The following MEX3C variants were observed in gnomAD, a reference collection of about 807,000 sequenced individuals.
MEX3C encodes mex-3 RNA binding family member C, also known as RNA-binding E3 ubiquitin-protein ligase MEX3C.
In MEX3C, 15 loss-of-function variants were observed where a neutral mutation model predicts 35.5. That is an observed-to-expected ratio of 0.42 (90% CI 0.28 to 0.65). The LOEUF (loss-of-function observed/expected upper bound fraction) is 0.65, where lower values mean the gene tolerates loss of function less well. Ranked by LOEUF, MEX3C falls within the 30% of genes least tolerant of loss-of-function variation. The pLI is 0.20. For missense variants in MEX3C, 711 were observed against 842.8 expected (o/e 0.84, Z 1.94); for synonymous variants, 390 against 352.8 (o/e 1.11, Z -1.18).
intron 1 of MEX3C, among the ~76,000 whole-genome samples, chr18:51,181,754 TA>T (rs2144550471): frequency 6.6e-6 from 1 of 152,306 alleles, no homozygotes; most frequent in Admixed American, 6.5e-5. Flanking sequence ...GTGGTTGACC[TA>T]GGGGGACAGG....
Position 51,176,867 on chromosome 18 carries a change from GC to G in MEX3C, c.1463del (p.Gly488AlafsTer5). 6.2e-7 allele frequency: 1 copy of G among 1,614,028 alleles called. No homozygotes were observed. Among genetic ancestry groups the G allele is most frequent in the Non-Finnish European group, 8.5e-7 (1 of 1,179,894 alleles). On this transcript the variant is annotated frameshift_variant, in exon 2 of 2. Transcript: ENST00000406189. LOFTEE classifies it high-confidence loss of function. The stretch of plus-strand genomic sequence containing the variant: ...GAGAGTCAACTGCTAGGTCTTCTGA[GC>G]CTACAGATGGTAGTGTATCTCCAAA... Reference protein sequence around the residue: ...FWFGDTLPSVGSEDLAVDSPA... With the variant: ...FWFGDTLPSVXSEDLAVDSPA...
rs1279700967 is a variant in MEX3C at position 51,180,603 on chromosome 18, G to A, written c.755-3027C>T. Among the ~76,000 whole-genome samples the A allele has an allele frequency of 4.6e-5, 7 of 151,966 alleles. No homozygotes were observed. The East Asian group carries it at 1.2e-3, about 25-fold the overall frequency. The stretch of plus-strand genomic sequence containing the variant: ...AGCAATTCTCCTGCCTCAGCCTCCC[G>A]AGTAGCTGGGATTACAGGTGCCCAC... On this transcript the variant is annotated intron_variant, in intron 1 of 1. Transcript: ENST00000406189.
At chr18:51,182,584 G>C (rs1912455308) in intron 1 of MEX3C, among the ~76,000 whole-genome samples, 1 of 152,080 alleles carries the variant, frequency 6.6e-6, no homozygotes, top group African/African-American at 2.4e-5. Flanking sequence ...ACTGTTGCTG[G>C]GGCTATGTTT....
chr18:51,182,852 A>G (rs546132638), intron 1 of MEX3C, among the ~76,000 whole-genome samples: 9 of 152,324 alleles, frequency 5.9e-5, no homozygotes, highest in Non-Finnish European at 1.0e-4. Flanking sequence ...AAAGAACTCA[A>G]TATGTTCCAA....
intron 1 of MEX3C, among the ~76,000 whole-genome samples, chr18:51,190,930 G>A (rs1912637877): frequency 6.6e-6 from 1 of 152,158 alleles, no homozygotes; most frequent in African/African-American, 2.4e-5. Context: ...CATTAAGAAT[G>A]CAGTTTAATA....
rs1216323974 is a variant in MEX3C, at chr18:51,197,036, G to A, written c.285C>T (p.Pro95=). The change falls in exon 1 of 2, where the codon CCC becomes CCT. Residue 95 remains proline (P), a synonymous_variant. Coordinates refer to ENST00000406189, the MANE Select transcript of MEX3C (RefSeq NM_016626.5). ...CCGCCTCCGGGGCCCCGGGCCGGCC[G>A]GGCGGAGCCCGCTCCTCTGGAGACA... ...AELSPEERAP[P]GRPGAPEAAE... 8 of 1,513,718 alleles carry A rather than the reference G, an allele frequency of 5.3e-6. No homozygotes were observed. Among genetic ancestry groups the A allele is most frequent in the South Asian group, 3.7e-5 (3 of 81,748 alleles). The allele number at this position is 1,513,718 out of a possible 1,614,324, so 93.8% of individuals were successfully genotyped here. A position where few individuals can be genotyped will look rare whatever the true frequency, so the allele number is the denominator to read the frequency against.
In MEX3C at chr18:51,196,701, G is replaced by A. The variant is rs1912799694; in HGVS notation, c.620C>T (p.Pro207Leu). 1.3e-6 allele frequency: 2 copies of A among 1,540,606 alleles called. No individual in the cohort carries two copies. Among genetic ancestry groups the A allele is most frequent in the Non-Finnish European group, 1.7e-6 (2 of 1,148,320 alleles). Reference sequence around the variant, plus strand: ...GGCCGCCGCCGCCCCACAACCGCCGGGGCCGTAGGCGTGGGACAGCATCGC... The same window carrying A: ...GGCCGCCGCCGCCCCACAACCGCCGAGGCCGTAGGCGTGGGACAGCATCGC... ...MAAMLSHAYG[P>L]GGCGAAAAAL... Residue 207 changes from proline (P) to leucine (L), a missense_variant, in exon 1 of 2, where the codon CCC becomes CTC. Pro to Leu is a moderately conservative substitution (Grantham distance 98, BLOSUM62 -3). This residue lies in a region of MEX3C where 354 missense variants were observed against 311.6 expected (regional missense o/e 1.14). Transcript: ENST00000406189.
chr18:51,176,896 A>G lies in MEX3C; in HGVS notation c.1435T>C (p.Trp479Arg), dbSNP rs1444367222. 1 of 1,613,950 alleles carries G rather than the reference A, an allele frequency of 6.2e-7. No individual in the cohort carries two copies. Among genetic ancestry groups the G allele is most frequent in the African/African-American group, 1.3e-5 (1 of 74,940 alleles). ...PTSPFSTGNF[W>R]FGDTLPSVGS... ...ACAGATGGTAGTGTATCTCCAAACC[A>G]GAAGTTTCCTGTGCTAAATGGGCTT... is the stretch of plus-strand genomic sequence containing the variant. Residue 479 changes from tryptophan (W) to arginine (R), a missense_variant, in exon 2 of 2, where the codon TGG becomes CGG. Around this residue, in one of 4 missense-constraint regions of MEX3C, gnomAD observed 187 missense variants for 201.7 expected, o/e 0.93. Coordinates refer to ENST00000406189, the MANE Select transcript of MEX3C (RefSeq NM_016626.5).
Position 51,177,212 on chromosome 18 carries a change from C to T in MEX3C, c.1119G>A (p.Val373=), listed in dbSNP as rs1599249333. ...GGTCAACATTTTCAGGCATCCCTGT[C>T]ACTTCAAAGACAGGTTCCTTATCTC... The part of the protein sequence containing the change: ...PSRDKEPVFE[V]TGMPENVDRA... The change falls in exon 2 of 2, where the codon GTG becomes GTA. Residue 373 remains valine, a synonymous_variant. Coordinates refer to ENST00000406189, the MANE Select transcript of MEX3C (RefSeq NM_016626.5). The surrounding 1 kb of genome is among the most constrained non-coding windows in gnomAD (Gnocchi z 4.2). The T allele has an allele frequency of 2.5e-6, 4 of 1,613,844 alleles. No homozygotes were observed. The African/African-American group carries it at 5.3e-5, about 22-fold the overall frequency.
At chr18:51,180,742 C>T (rs1912409294) in intron 1 of MEX3C, among the ~76,000 whole-genome samples, 1 of 152,204 alleles carries the variant, frequency 6.6e-6, no homozygotes. Context: ...GTTGGCCTCC[C>T]AAAGTGCTGG....
chr18:51,189,561 A>C (rs1225886470), intron 1 of MEX3C, among the ~76,000 whole-genome samples: 1 of 152,146 alleles, frequency 6.6e-6, no homozygotes, highest in East Asian at 1.9e-4. Context: ...CTCTTTTTTC[A>C]CTTATTTTAG....
At chr18:51,187,986 A>G (rs1273354401) in intron 1 of MEX3C, among the ~76,000 whole-genome samples, 1 of 152,238 alleles carries the variant, frequency 6.6e-6, no homozygotes, top group African/African-American at 2.4e-5. Flanking sequence ...ACTAAATCCC[A>G]GTAAGAATGT....
rs1421917918 is a variant in MEX3C at position 51,197,608 on chromosome 18, CT to C, written c.-289del. Among the ~76,000 whole-genome samples, 1 of 151,346 alleles carries C rather than the reference CT, an allele frequency of 6.6e-6. No individual in the cohort carries two copies. Among genetic ancestry groups the C allele is most frequent in the Non-Finnish European group, 1.5e-5 (1 of 67,764 alleles). On this transcript the variant is annotated 5_prime_UTR_variant, in exon 1 of 2. The change abolishes the stop of an existing upstream ORF in the 5' untranslated region. Transcript: ENST00000406189. ...GGCAGCGGCTCCCCTCTCAGTGTTT[CT>C]TTTGTTTCATGGCCTTAACCAGCCC...
At chr18:51,180,815 C>G (rs1217973941) in intron 1 of MEX3C, among the ~76,000 whole-genome samples, 2 of 152,138 alleles carry the variant, frequency 1.3e-5, no homozygotes, top group African/African-American at 4.8e-5. Flanking sequence ...CCAATAAAGA[C>G]AGAGGAAACT....
chr18:51,179,343 A>G (rs750911065), intron 1 of MEX3C, among the ~76,000 whole-genome samples: 3 of 152,140 alleles, frequency 2.0e-5, no homozygotes, highest in Non-Finnish European at 4.4e-5. Context: ...ACTTTTTTGC[A>G]CAAAGTGGAA....
At position 51,174,755 on chromosome 18, in the gene MEX3C, G is replaced by C. The variant is rs11539302; in HGVS notation, c.*1596C>G. On this transcript the variant is annotated 3_prime_UTR_variant, in exon 2 of 2. Coordinates refer to ENST00000406189, the MANE Select transcript of MEX3C (RefSeq NM_016626.5). ...ACTTCCCTACATATACATAACAAAA[G>C]AGTGTAGTAAAATTAGCAAATACTA... is the stretch of plus-strand genomic sequence containing the variant. The C allele has an allele frequency of 4.6e-5, 7 of 152,572 alleles. No individual in the cohort carries two copies. The highest frequency in any genetic ancestry group is 2.1e-4 in the South Asian group (1 of 4,812). The allele number at this position is 152,572 out of a possible 1,614,324, so 9.5% of individuals were successfully genotyped here. A position where few individuals can be genotyped will look rare whatever the true frequency, so the allele number is the denominator to read the frequency against.
chr18:51,181,716 T>C lies in MEX3C; in HGVS notation c.755-4140A>G, dbSNP rs971614101. On this transcript the variant is annotated intron_variant, in intron 1 of 1. Coordinates refer to ENST00000406189, the MANE Select transcript of MEX3C (RefSeq NM_016626.5). ...AATTAGCATGAGGCTGGTACAGCTA[T>C]ATAATGGAATGCTATACACTCATAA... Among the ~76,000 whole-genome samples the C allele has an allele frequency of 2.0e-5, 3 of 152,260 alleles. No homozygotes were observed. In the South Asian group the frequency reaches 6.2e-4, roughly 31 times the overall value.
At chr18:51,196,437 TC>T (rs1331988271) in intron 1 of MEX3C, 129 bp downstream of exon 1, 2 of 1,456,664 alleles carry the variant, frequency 1.4e-6, no homozygotes, top group Non-Finnish European at 1.8e-6. Flanking sequence ...CCTCGGCTCC[TC>T]CCAGACCCCT....
intron 1 of MEX3C, among the ~76,000 whole-genome samples, chr18:51,180,970 T>C (rs1197472735): frequency 1.3e-5 from 2 of 152,228 alleles, no homozygotes; most frequent in African/African-American, 4.8e-5. Flanking sequence ...CAACTACAAA[T>C]ACATTCTAAT....
Sources: allele counts gnomAD v4.1 joint callset (sites outside exome capture counted in the v4.1 genomes callset), GRCh38; gene constraint gnomAD v4.1.1; regional missense constraint gnomAD v4.1.1; non-coding constraint Gnocchi (gnomAD v3.1); transcripts MANE v1.5; gene names NCBI Gene and HGNC (gene_info 2026-07-23, HGNC 2026-07-21).